Variants in ROBO2 observed in about 807,000 individuals in gnomAD.
ROBO2 encodes the protein roundabout homolog 2.
Under a neutral mutation model 160.8 loss-of-function variants are expected in ROBO2, and 53 were observed. The ratio of observed to expected loss-of-function variants is 0.33; its 90% CI spans 0.26 to 0.41. The LOEUF (loss-of-function observed/expected upper bound fraction) is 0.41, where lower values mean the gene tolerates loss of function less well. Ranked by LOEUF, ROBO2 falls within the 10% of genes least tolerant of loss-of-function variation. ROBO2 has a pLI of 1.00. For synonymous variants in ROBO2, 664 were observed against 611.7 expected (o/e 1.09, Z -1.26); for missense variants, 1,577 against 1,722.4 (o/e 0.92, Z 1.49).
chr3:77,501,023 A>T (rs2087521928), intron 5 of ROBO2, among the ~76,000 whole-genome samples: 1 of 152,222 alleles, frequency 6.6e-6, no homozygotes, highest in Non-Finnish European at 1.5e-5. Context: ...TATGCAGAGC[A>T]AAAGGATCTG....
chr3:76,418,221 G>A (rs1447657259), intron 2 of ROBO2, among the ~76,000 whole-genome samples: 2 of 148,894 alleles, frequency 1.3e-5, no homozygotes, highest in South Asian at 2.2e-4. Flanking sequence ...TATAACTGTC[G>A]CCAAACAAAT....
intron 2 of ROBO2, among the ~76,000 whole-genome samples, chr3:76,573,720 CT>C (rs1475847405): frequency 6.6e-6 from 1 of 151,990 alleles, no homozygotes; most frequent in Non-Finnish European, 1.5e-5. Context: ...ATCATATCTA[CT>C]TTTAACTTTG....
chr3:76,903,446 A>G (rs532492115), intron 2 of ROBO2, among the ~76,000 whole-genome samples: 15 of 152,160 alleles, frequency 9.9e-5, no homozygotes, highest in South Asian at 4.1e-4. Flanking sequence ...CTGACTGTCA[A>G]TTGTACAGGT....
At chr3:76,148,506 C>A (rs1310510676) in intron 2 of ROBO2, among the ~76,000 whole-genome samples, 1 of 152,032 alleles carries the variant, frequency 6.6e-6, no homozygotes, top group Non-Finnish European at 1.5e-5. Flanking sequence ...TTCGTCTGCT[C>A]CCTTTTATAG....
intron 6 of ROBO2, among the ~76,000 whole-genome samples, chr3:77,544,115 T>C (rs1255062434): frequency 6.6e-6 from 1 of 151,760 alleles, no homozygotes; most frequent in Non-Finnish European, 1.5e-5. Context: ...TAAGTGTTTT[T>C]TTTTTTTTTT....
intron 2 of ROBO2, among the ~76,000 whole-genome samples, chr3:77,177,625 T>G (rs1052941919): frequency 2.6e-5 from 4 of 151,976 alleles, no homozygotes; most frequent in African/African-American, 7.2e-5. Context: ...TGCCAAATAT[T>G]TTTATCTGAG....
intron 2 of ROBO2, among the ~76,000 whole-genome samples, chr3:76,055,376 A>T (rs899917450): frequency 1.3e-5 from 2 of 152,162 alleles, no homozygotes; most frequent in Non-Finnish European, 2.9e-5. Context: ...TTAGATGCAG[A>T]GATTATTTGT....
chr3:76,426,940 A>T (rs1247281512), intron 2 of ROBO2, among the ~76,000 whole-genome samples: 2 of 152,182 alleles, frequency 1.3e-5, no homozygotes, highest in Non-Finnish European at 2.9e-5. Flanking sequence ...AGAGCATCAC[A>T]GAAGAGGAAT....
intron 2 of ROBO2, among the ~76,000 whole-genome samples, chr3:76,568,834 C>T (rs376761123): frequency 6.6e-6 from 1 of 151,942 alleles, no homozygotes; most frequent in African/African-American, 2.4e-5. Context: ...CTGTATTTTA[C>T]AATATGCAGA....
chr3:77,147,851 A>G (rs1383207196), intron 2 of ROBO2, among the ~76,000 whole-genome samples: 4 of 152,284 alleles, frequency 2.6e-5, no homozygotes, highest in African/African-American at 9.6e-5. Flanking sequence ...AAGATCTGGC[A>G]TTTAGAAACA....
At chr3:77,534,341 A>T (rs1385257791) in intron 6 of ROBO2, among the ~76,000 whole-genome samples, 1 of 152,032 alleles carries the variant, frequency 6.6e-6, no homozygotes, top group Non-Finnish European at 1.5e-5. Flanking sequence ...ATTAGTACTT[A>T]AAATTAAAGT....
intron 2 of ROBO2, among the ~76,000 whole-genome samples, chr3:76,875,118 T>C (rs539532156): frequency 1.2e-4 from 18 of 152,258 alleles, no homozygotes; most frequent in African/African-American, 4.1e-4. Flanking sequence ...AGAGGCTTCA[T>C]GCAGTGTTCA....
intron 2 of ROBO2, among the ~76,000 whole-genome samples, chr3:76,842,509 A>G (rs1052059255): frequency 1.2e-4 from 19 of 152,298 alleles, no homozygotes; most frequent in African/African-American, 4.6e-4. Flanking sequence ...TATAAACCCT[A>G]GAGACTTTAG....
intron 2 of ROBO2, chr3:76,434,871 G>A: frequency 6.3e-7 from 1 of 1,585,870 alleles, no homozygotes; most frequent in Non-Finnish European, 8.7e-7. Flanking sequence ...GGCTCAGAGT[G>A]GTCCAGTATG....
intron 2 of ROBO2, among the ~76,000 whole-genome samples, chr3:76,035,071 T>C (rs565618106): frequency 4.6e-5 from 7 of 152,068 alleles, no homozygotes; most frequent in Non-Finnish European, 8.8e-5. Context: ...AGTGACTGTT[T>C]TATCCCATGT....
intron 2 of ROBO2, among the ~76,000 whole-genome samples, chr3:76,838,216 A>G (rs144642539): frequency 3.3e-5 from 5 of 152,178 alleles, no homozygotes; most frequent in African/African-American, 1.2e-4. Context: ...AACAACAGAC[A>G]CTGGGGTTTA....
intron 2 of ROBO2, among the ~76,000 whole-genome samples, chr3:77,320,344 C>T (rs1038822246): frequency 8.5e-5 from 13 of 152,084 alleles, no homozygotes; most frequent in Admixed American, 4.6e-4. Flanking sequence ...CTTAGGAGCC[C>T]TCTCTTGTCT....
chr3:76,016,768 C>T (rs371577349), intron 2 of ROBO2, among the ~76,000 whole-genome samples: 1 of 152,104 alleles, frequency 6.6e-6, no homozygotes, highest in East Asian at 1.9e-4. Context: ...AGTAGGATCT[C>T]GATGTTACCT....
intron 2 of ROBO2, among the ~76,000 whole-genome samples, chr3:76,873,274 G>A (rs1035183028): frequency 4.6e-5 from 7 of 151,974 alleles, no homozygotes; most frequent in African/African-American, 9.7e-5. Context: ...TTTCAGAACC[G>A]GAAAAAGGGG....
Sources: gnomAD v4.1 joint callset for allele counts (sites outside exome capture counted in the v4.1 genomes callset) on GRCh38, gnomAD v4.1.1 for gene constraint, MANE v1.5 for transcripts, NCBI Gene and HGNC (gene_info 2026-07-23, HGNC 2026-07-21) for gene names.